Variants in NAV1 observed in about 807,000 individuals in gnomAD.
The protein encoded by NAV1 is neuron navigator 1.
A neutral mutation model predicts 175.2 loss-of-function variants in NAV1; 18 were observed. That is an observed-to-expected ratio of 0.10 (90% CI 0.07 to 0.15). The LOEUF (loss-of-function observed/expected upper bound fraction) is 0.15. Ranked by LOEUF, NAV1 falls within the 10% of genes least tolerant of loss-of-function variation. NAV1 has a pLI of 1.00. For synonymous variants in NAV1, 897 were observed against 978.7 expected (o/e 0.92, Z 1.56); for missense variants, 1,731 against 2,436.6 (o/e 0.71, Z 6.10).
chr1:201,540,064 A>C (rs1203476987), intron 1 of NAV1, among the ~76,000 whole-genome samples: 2 of 152,214 alleles, frequency 1.3e-5, no homozygotes, highest in African/African-American at 2.4e-5. Context: ...TAATCCCCAG[A>C]GCCGATAAAA....
At chr1:201,716,617 G>T (rs577918324) in intron 2 of NAV1, among the ~76,000 whole-genome samples, 21 of 152,340 alleles carry the variant, frequency 1.4e-4, no homozygotes, top group Admixed American at 1.3e-3. Context: ...AGTGGCTCAC[G>T]CCAGTAACCC....
intron 3 of NAV1, among the ~76,000 whole-genome samples, chr1:201,744,414 C>T (rs1374173377): frequency 2.0e-5 from 3 of 151,770 alleles, no homozygotes; most frequent in South Asian, 2.1e-4. Context: ...TGGGTACTGG[C>T]GATAGAATAG....
intron 1 of NAV1, among the ~76,000 whole-genome samples, chr1:201,568,601 C>T (rs964634764): frequency 5.9e-5 from 9 of 152,100 alleles, no homozygotes; most frequent in Admixed American, 1.3e-4. Context: ...GGCAATTAGG[C>T]GTGTTGTTTT....
intron 3 of NAV1, among the ~76,000 whole-genome samples, chr1:201,741,452 C>A (rs1040397131): frequency 6.6e-6 from 1 of 152,132 alleles, no homozygotes; most frequent in East Asian, 1.9e-4. Flanking sequence ...CCTCTTACTT[C>A]AGGTGAGATC....
rs538201896 is a variant in NAV1, at chr1:201,631,880, G to A, written c.4+2373G>A. On this transcript the variant is annotated intron_variant, in intron 2 of 29. Transcript: ENST00000367302. The stretch of plus-strand genomic sequence containing the variant: ...TCATGTATCTTCCCTTCCTGACCAT[G>A]AACTCATCTTGCCCCCCATCACCTA... Among the ~76,000 whole-genome samples, 7 of 152,190 alleles carry A rather than the reference G, an allele frequency of 4.6e-5. No individual in the cohort carries two copies. In the South Asian group the frequency reaches 1.5e-3, roughly 32 times the overall value.
chr1:201,555,100 A>T (rs1665974619), intron 1 of NAV1, among the ~76,000 whole-genome samples: 1 of 152,150 alleles, frequency 6.6e-6, no homozygotes. Flanking sequence ...CCAGATTAGG[A>T]GCTCACTCTA....
exon 30 of NAV1, chr1:201,820,559 A>C (rs566586659): frequency 1.3e-5 from 2 of 152,628 alleles, no homozygotes; most frequent in Admixed American, 1.3e-4. Flanking sequence ...GAGAGAGAGG[A>C]ACCAGTTGCC....
rs557271349 is a variant in NAV1 at position 201,765,936 on chromosome 1, A to G, written c.1227-14485A>G. ...AATTAGCTTCAGCATTTGAGAATTG[A>G]ACAAATTAATCAGATAGTTCTGTGA... is the stretch of plus-strand genomic sequence containing the variant. On this transcript the variant is annotated intron_variant, in intron 3 of 29. Coordinates refer to ENST00000367296, the Ensembl canonical transcript of NAV1. Among the ~76,000 whole-genome samples, 13 of 152,346 alleles carry G rather than the reference A, an allele frequency of 8.5e-5. No homozygotes were observed. In the East Asian group the frequency reaches 2.1e-3, roughly 25 times the overall value.
Position 201,548,418 on chromosome 1 carries a change from T to C in NAV1, c.-144+9076T>C, listed in dbSNP as rs539242054. Among the ~76,000 whole-genome samples, 5 of 152,268 alleles carry C rather than the reference T, an allele frequency of 3.3e-5. No homozygotes were observed. In the East Asian group the frequency reaches 9.6e-4, roughly 29 times the overall value. The stretch of plus-strand genomic sequence containing the variant: ...AGCTGGGCATGATGGCACATGCCTA[T>C]AGTATGGTCCTCCTGCCACAGCTAC... On this transcript the variant is annotated intron_variant, in intron 1 of 33. Coordinates refer to the NAV1 transcript ENST00000685211.
chr1:201,652,788 C>T (rs191780810), intron 1 of NAV1, among the ~76,000 whole-genome samples: 98 of 152,252 alleles, frequency 6.4e-4, no homozygotes, highest in South Asian at 3.1e-3. Flanking sequence ...ATTAATACAG[C>T]GCAATAGAAT....
rs764668101 is a variant in NAV1, at chr1:201,649,604, G to A, written c.757+179G>A. Among the ~76,000 whole-genome samples, 40 of 152,200 alleles carry A rather than the reference G, an allele frequency of 2.6e-4. 1 individual carries two copies. Among genetic ancestry groups the A allele is most frequent in the Admixed American group, 1.4e-3 (22 of 15,282 alleles). On this transcript the variant is annotated intron_variant, in intron 1 of 29. Transcript: ENST00000367296. Reference sequence around the variant, plus strand: ...GCTGAGCTGGCCCACCTCCAGATGCGCATGGCTCAAGTGTACCTTCTTAAA... The same window carrying A: ...GCTGAGCTGGCCCACCTCCAGATGCACATGGCTCAAGTGTACCTTCTTAAA...
chr1:201,776,335 C>CAAAAAAAAAA (rs71138352), intron 3 of NAV1, among the ~76,000 whole-genome samples: 5 of 71,892 alleles, frequency 7.0e-5, no homozygotes, highest in African/African-American at 2.5e-4. Flanking sequence ...CCTGACTCTA[C>CAAAAAAAAAA]AAAAAAAAAA....
At chr1:201,599,258 C>T (rs1318874499) in intron 2 of NAV1, among the ~76,000 whole-genome samples, 3 of 152,176 alleles carry the variant, frequency 2.0e-5, no homozygotes, top group Admixed American at 6.5e-5. Context: ...TATCCAACCC[C>T]AATCTTTATG....
chr1:201,609,989 T>C (rs962701671), intron 2 of NAV1, among the ~76,000 whole-genome samples: 11 of 152,268 alleles, frequency 7.2e-5, no homozygotes, highest in African/African-American at 2.6e-4. Context: ...CAGGGGAGCA[T>C]GCCAATTGTT....
chr1:201,579,111 C>T (rs545554681), intron 1 of NAV1, among the ~76,000 whole-genome samples: 5 of 151,518 alleles, frequency 3.3e-5, no homozygotes, highest in Non-Finnish European at 4.4e-5. Context: ...CTAGCCTGAG[C>T]GGCAAGAGCA....
At chr1:201,593,345 C>T (rs751616705) in intron 2 of NAV1, among the ~76,000 whole-genome samples, 1 of 152,192 alleles carries the variant, frequency 6.6e-6, no homozygotes, top group African/African-American at 2.4e-5. Flanking sequence ...ACAACTTCCT[C>T]TCCCATGGGA....
At chr1:201,825,680 GAGA>G (rs1679629648) in exon 30 of NAV1, 2 of 152,368 alleles carry the variant, frequency 1.3e-5, no homozygotes, top group Admixed American at 6.5e-5. Context: ...GTTTGTTTTG[GAGA>G]AGGAGTCTCG....
At chr1:201,823,370 G>GTATGTGTGTGTGTGTA (rs4025038) in exon 30 of NAV1, 1 of 151,768 alleles carries the variant, frequency 6.6e-6, no homozygotes, top group Non-Finnish European at 1.5e-5. Context: ...CTGCGTGTGT[G>GTATGTGTGTGTGTGTA]TGTGTGTGTG....
chr1:201,562,298 G>C (rs367852291), intron 1 of NAV1, among the ~76,000 whole-genome samples: 4 of 151,874 alleles, frequency 2.6e-5, no homozygotes, highest in African/African-American at 2.4e-5. Flanking sequence ...GGAATTACAG[G>C]CATGAGCCAC....
Sources: gnomAD v4.1 joint callset for allele counts (sites outside exome capture counted in the v4.1 genomes callset) on GRCh38, gnomAD v4.1.1 for gene constraint, MANE v1.5 for transcripts, NCBI Gene and HGNC (gene_info 2026-07-23, HGNC 2026-07-21) for gene names.